The following CCDC12 variants were observed in gnomAD, a reference collection of about 807,000 sequenced individuals.
CCDC12 encodes coiled-coil domain containing 12.
Under a neutral mutation model 25.7 loss-of-function variants are expected in CCDC12, and 28 were observed. The observed-to-expected ratio is 1.09, with a 90% CI of 0.81 to 1.50. The LOEUF (loss-of-function observed/expected upper bound fraction) is 1.50, where lower values mean the gene tolerates loss of function less well. Ranked by LOEUF, CCDC12 falls within the 40% of genes most tolerant of loss-of-function variation. CCDC12 has a pLI of 0.00. For missense variants in CCDC12, 198 were observed against 210.0 expected (o/e 0.94, Z 0.35); for synonymous variants, 75 against 87.7 (o/e 0.86, Z 0.81).
chr3:46,964,811 C>G (rs909016534), intron 1 of CCDC12, among the ~76,000 whole-genome samples: 8 of 152,164 alleles, frequency 5.3e-5, no homozygotes, highest in African/African-American at 1.7e-4. Flanking sequence ...GACACAAACA[C>G]TGCTGAAGGC....
chr3:46,940,813 G>C (rs2033670151), intron 2 of CCDC12, 185 bp downstream of exon 2: 1 of 626,096 alleles, frequency 1.6e-6, no homozygotes, highest in East Asian at 2.6e-5. Flanking sequence ...AAAGGAGGCA[G>C]AGAAGGCCTC....
At chr3:46,932,163 G>A (rs1363054906) in intron 2 of CCDC12, among the ~76,000 whole-genome samples, 1 of 152,174 alleles carries the variant, frequency 6.6e-6, no homozygotes, top group East Asian at 1.9e-4. Flanking sequence ...CGGTAACCCT[G>A]CTCTGGGGAA....
At chr3:46,950,046 A>AG (rs1440063427) in intron 1 of CCDC12, among the ~76,000 whole-genome samples, 4 of 150,492 alleles carry the variant, frequency 2.7e-5, no homozygotes, top group African/African-American at 9.7e-5. Context: ...AAAAAAGAAA[A>AG]GAAAAAAAAA....
rs928175178 is a variant in CCDC12 at position 46,941,891 on chromosome 3, A to G, written c.97-826T>C. Among the ~76,000 whole-genome samples the G allele has an allele frequency of 4.6e-5, 7 of 152,362 alleles. No individual in the cohort carries two copies. In the South Asian group the frequency reaches 8.3e-4, roughly 18 times the overall value. ...ATTCGCTTTAGAAGTAACATGAACT[A>G]GGACCAGGCTTGCAACAAGATTCAC... On this transcript the variant is annotated intron_variant, in intron 1 of 6. Transcript: ENST00000683445.
chr3:46,923,404 C>T (rs966160427), intron 4 of CCDC12, 41 bp from the exon 5 acceptor site: 3 of 1,547,984 alleles, frequency 1.9e-6, no homozygotes, highest in Non-Finnish European at 1.7e-6. Flanking sequence ...GAGGGGCCAC[C>T]CCAGGACAAG....
At chr3:46,928,610 A>G (rs1369913269) in intron 2 of CCDC12, among the ~76,000 whole-genome samples, 2 of 152,264 alleles carry the variant, frequency 1.3e-5, no homozygotes, top group East Asian at 1.9e-4. Flanking sequence ...TATGGAAACC[A>G]TAAGACCATG....
chr3:46,940,287 C>T (rs1424393845), intron 2 of CCDC12, among the ~76,000 whole-genome samples: 4 of 152,182 alleles, frequency 2.6e-5, no homozygotes, highest in Non-Finnish European at 5.9e-5. Context: ...CTCAAGACTG[C>T]GGGGGAAGAC....
intron 3 of CCDC12, 63 bp from the exon 4 acceptor site, chr3:46,923,731 T>G: frequency 7.5e-7 from 1 of 1,329,614 alleles, no homozygotes; most frequent in Non-Finnish European, 9.9e-7. Flanking sequence ...GCAGGGACAC[T>G]GCCTACCGTG....
intron 2 of CCDC12, among the ~76,000 whole-genome samples, chr3:46,930,462 T>A (rs1384680781): frequency 6.6e-6 from 1 of 152,164 alleles, no homozygotes; most frequent in Non-Finnish European, 1.5e-5. Flanking sequence ...CCAGAGTCTA[T>A]GGGAAGGAGG....
chr3:46,968,052 G>A lies in CCDC12; in HGVS notation c.96+8585C>T, dbSNP rs745328918. 3.9e-5 allele frequency among the ~76,000 whole-genome samples: 6 copies of A among 152,102 alleles called. No homozygotes were observed. In the East Asian group the frequency reaches 5.8e-4, roughly 15 times the overall value. On this transcript the variant is annotated intron_variant, in intron 1 of 6. Transcript: ENST00000683445. ...TAAATCCAACACCATCATTTCATAC[G>A]TGAACATATTGAGGGCCTCAGAAGG...
At chr3:46,943,571 TCCAGC>T (rs2033797076) in intron 1 of CCDC12, among the ~76,000 whole-genome samples, 1 of 152,218 alleles carries the variant, frequency 6.6e-6, no homozygotes, top group South Asian at 2.1e-4. Flanking sequence ...CGGGAAAGTG[TCCAGC>T]CTTTGGGAGG....
chr3:46,947,174 GC>G (rs1294000192), intron 1 of CCDC12, among the ~76,000 whole-genome samples: 1 of 152,170 alleles, frequency 6.6e-6, no homozygotes, highest in East Asian at 1.9e-4. Flanking sequence ...CGAAATCCTA[GC>G]CCCCTAAGAA....
intron 1 of CCDC12, chr3:46,966,100 T>C (rs552006956): frequency 2.0e-5 from 3 of 152,462 alleles, no homozygotes; most frequent in South Asian, 2.1e-4. Context: ...AGTGGTCATA[T>C]TGTAGGAGCT....
intron 2 of CCDC12, among the ~76,000 whole-genome samples, chr3:46,938,529 T>G (rs983782676): frequency 2.0e-4 from 29 of 145,886 alleles, no homozygotes; most frequent in African/African-American, 4.8e-4. Flanking sequence ...TTTTTTTTTT[T>G]TTTTTTTTTT....
chr3:46,961,587 C>T (rs760399684), intron 1 of CCDC12, among the ~76,000 whole-genome samples: 10 of 152,156 alleles, frequency 6.6e-5, no homozygotes, highest in Non-Finnish European at 1.5e-4. Flanking sequence ...AGTCACAGGA[C>T]GCAGCATACC....
intron 2 of CCDC12, among the ~76,000 whole-genome samples, chr3:46,933,203 G>A (rs547872289): frequency 2.0e-5 from 3 of 152,296 alleles, no homozygotes; most frequent in Admixed American, 1.3e-4. Context: ...CCCTCAACGG[G>A]AGCCCAGCCT....
At chr3:46,977,685 A>ACTGTATGGC (rs2035037624), upstream of CCDC12, among the ~76,000 whole-genome samples, 1 of 152,102 alleles carries the variant, frequency 6.6e-6, no homozygotes, top group Non-Finnish European at 1.5e-5. Context: ...GGACTCAAAG[A>ACTGTATGGC]TGATCCCCTC....
chr3:46,960,994 G>A (rs1271912738), intron 1 of CCDC12, among the ~76,000 whole-genome samples: 3 of 151,724 alleles, frequency 2.0e-5, no homozygotes, highest in Non-Finnish European at 4.4e-5. Flanking sequence ...TTGGAGGTGT[G>A]CAGGGAATGG....
intron 2 of CCDC12, among the ~76,000 whole-genome samples, chr3:46,932,673 G>A (rs997086324): frequency 2.6e-5 from 4 of 152,210 alleles, no homozygotes; most frequent in African/African-American, 9.6e-5. Context: ...CACAGCCTCA[G>A]GGGGTGGACA....
Sources: allele counts gnomAD v4.1 joint callset (sites outside exome capture counted in the v4.1 genomes callset), GRCh38; gene constraint gnomAD v4.1.1; transcripts MANE v1.5; gene names NCBI Gene and HGNC (gene_info 2026-07-23, HGNC 2026-07-21).